The following ABCC1 variants were observed in gnomAD, a reference collection of about 807,000 sequenced individuals.
The protein encoded by ABCC1 is multidrug resistance-associated protein 1.
In ABCC1, 83 loss-of-function variants were observed where a neutral mutation model predicts 172.9. That is an observed-to-expected ratio of 0.48 (90% CI 0.40 to 0.58). ABCC1 has a LOEUF of 0.58. Among genes scored for constraint, ABCC1 ranks in the 20% least tolerant of loss-of-function variants. ABCC1 has a pLI of 0.00. For missense variants in ABCC1, 1,817 were observed against 2,002.7 expected (o/e 0.91, Z 1.77); for synonymous variants, 937 against 825.2 (o/e 1.14, Z -2.32).
At position 16,071,729 on chromosome 16, in the gene ABCC1, G is replaced by GGT. The variant is rs763357938; in HGVS notation, c.1912+11_1912+12dup. 2 of 1,612,032 alleles carry GGT rather than the reference G, an allele frequency of 1.2e-6. No homozygotes were observed. The highest frequency in any genetic ancestry group is 2.2e-5 in the East Asian group (1 of 44,812). On this transcript the variant is annotated frameshift_variant and splice_region_variant. Transcript: ENST00000399410. LOFTEE classifies it high-confidence loss of function. ...CATCGAGCGACGGCCTGTCAAAGAC[G>GGT]GTGTGTGTGTGTTCAGTCCTGGCTT...
chr16:16,040,325 T>C (rs1276770221), intron 7 of ABCC1, among the ~76,000 whole-genome samples: 1 of 152,024 alleles, frequency 6.6e-6, no homozygotes, highest in Non-Finnish European at 1.5e-5. Flanking sequence ...TTTGCTCTTG[T>C]TGCTTAGGCT....
At chr16:15,958,321 G>GTCTTGAATTCCTGAACTCAAGTGGATC (rs2046048733) in intron 1 of ABCC1, among the ~76,000 whole-genome samples, 2 of 151,824 alleles carry the variant, frequency 1.3e-5, no homozygotes, top group African/African-American at 2.4e-5. Flanking sequence ...GGCCAGGCTG[G>GTCTTGAATTCCTGAACTCAAGTGGATC]TCTTGAATTC....
chr16:16,082,015 C>A (rs747566555), intron 16 of ABCC1, among the ~76,000 whole-genome samples: 1 of 151,428 alleles, frequency 6.6e-6, no homozygotes, highest in Non-Finnish European at 1.5e-5. Context: ...GGCTTCGTTT[C>A]AAAAAAAAAT....
In ABCC1 at chr16:16,049,788, A is replaced by T. The variant is rs574642641; in HGVS notation, c.1380+1485A>T. 2.4e-4 allele frequency among the ~76,000 whole-genome samples: 37 copies of T among 152,166 alleles called. No individual in the cohort carries two copies. The South Asian group carries it at 7.7e-3, about 32-fold the overall frequency. ...AACCTCTGCCTCCCAGCTTCAAGCA[A>T]TTCTCCTACCTCAGTCTCCCGAGTA... On this transcript the variant is annotated intron_variant, in intron 10 of 30. Coordinates refer to ENST00000399410, the MANE Select transcript of ABCC1 (RefSeq NM_004996.4).
At position 16,048,282 on chromosome 16, in the gene ABCC1, T is replaced by C; in HGVS notation, c.1359T>C (p.Leu453=). ...GGTCAGCCCCCCTGCAAGTCATCCT[T>C]GCTCTCTACCTCCTGTGGCTGGTGT... ...MIWSAPLQVI[L]ALYLLWLNLG... Residue 453 remains leucine, a synonymous_variant, in exon 10 of 31, where the codon CTT becomes CTC. Transcript: ENST00000399410. The C allele has an allele frequency of 1.2e-6, 2 of 1,614,124 alleles. No individual in the cohort carries two copies. Among genetic ancestry groups the C allele is most frequent in the Non-Finnish European group, 1.7e-6 (2 of 1,179,980 alleles).
intron 16 of ABCC1, among the ~76,000 whole-genome samples, chr16:16,081,585 G>A (rs1378635442): frequency 6.6e-6 from 1 of 152,128 alleles, no homozygotes; most frequent in African/African-American, 2.4e-5. Context: ...TGGGTTCTAT[G>A]GTAAGGCACC....
chr16:16,095,376 C>G (rs12447005), intron 19 of ABCC1, among the ~76,000 whole-genome samples: 16,450 of 152,312 alleles, frequency 0.11, 1,132 homozygotes, highest in Middle Eastern at 0.22. Context: ...GGCAAATTGC[C>G]CCCACCCTGG....
chr16:16,102,251 T>C (rs1162744586), intron 19 of ABCC1, among the ~76,000 whole-genome samples: 3 of 152,336 alleles, frequency 2.0e-5, no homozygotes, highest in Admixed American at 6.5e-5. Context: ...GCTATGCCCT[T>C]TCCCTCATGC....
At chr16:16,019,972 G>A (rs2048138318) in intron 5 of ABCC1, among the ~76,000 whole-genome samples, 1 of 152,190 alleles carries the variant, frequency 6.6e-6, no homozygotes, top group South Asian at 2.1e-4. Context: ...CGCCAAGGCT[G>A]TAGTGCAGTG....
intron 19 of ABCC1, among the ~76,000 whole-genome samples, chr16:16,092,297 C>A (rs755778297): frequency 4.6e-5 from 7 of 152,148 alleles, no homozygotes; most frequent in Non-Finnish European, 8.8e-5. Context: ...CCACTTAAAT[C>A]ACAAAATCCA....
At chr16:16,136,042 A>ATT (rs527249324) in intron 28 of ABCC1, among the ~76,000 whole-genome samples, 1 of 145,614 alleles carries the variant, frequency 6.9e-6, no homozygotes, top group African/African-American at 2.5e-5. Flanking sequence ...TATTAAGGCA[A>ATT]TTTTTTTTTT....
intron 1 of ABCC1, among the ~76,000 whole-genome samples, chr16:15,974,236 A>G (rs1321463564): frequency 6.6e-6 from 1 of 151,990 alleles, no homozygotes; most frequent in African/African-American, 2.4e-5. Flanking sequence ...TTTATTATTT[A>G]TTTTCTCCTG....
intron 27 of ABCC1, among the ~76,000 whole-genome samples, chr16:16,132,468 C>G (rs941950434): frequency 6.7e-6 from 1 of 149,688 alleles, no homozygotes; most frequent in African/African-American, 2.5e-5. Flanking sequence ...GCCACCATTC[C>G]TGGCCCCTGG....
intron 11 of ABCC1, among the ~76,000 whole-genome samples, chr16:16,055,752 G>A (rs1393138908): frequency 6.7e-6 from 1 of 148,672 alleles, no homozygotes; most frequent in African/African-American, 2.5e-5. Flanking sequence ...TTTTTTTCTT[G>A]ATAGCGGGGT....
At chr16:16,110,975 A>G (rs2052361298) in intron 21 of ABCC1, among the ~76,000 whole-genome samples, 1 of 152,072 alleles carries the variant, frequency 6.6e-6, no homozygotes, top group Admixed American at 6.5e-5. Flanking sequence ...ATCTTGGCTC[A>G]CTGCTTCTAC....
intron 22 of ABCC1, among the ~76,000 whole-genome samples, chr16:16,113,702 C>T (rs569387710): frequency 8.5e-5 from 13 of 152,216 alleles, no homozygotes; most frequent in South Asian, 2.1e-4. Flanking sequence ...AGACTAGACA[C>T]GTTTCAAGTG....
At chr16:16,068,373 C>A (rs1363287388) in intron 13 of ABCC1, 71 bp downstream of exon 13, 2 of 1,563,236 alleles carry the variant, frequency 1.3e-6, no homozygotes, top group African/African-American at 1.4e-5. Context: ...CATGGAAGTG[C>A]CCCCGAGCGC....
At chr16:15,981,723 A>G (rs1488972009) in intron 1 of ABCC1, among the ~76,000 whole-genome samples, 1 of 152,010 alleles carries the variant, frequency 6.6e-6, no homozygotes, top group African/African-American at 2.4e-5. Flanking sequence ...CATTTTCCCC[A>G]TTGTCTTGGT....
chr16:16,009,187 G>T (rs2047675196), intron 2 of ABCC1, among the ~76,000 whole-genome samples: 1 of 151,980 alleles, frequency 6.6e-6, no homozygotes, highest in Non-Finnish European at 1.5e-5. Flanking sequence ...TCAAACTCCT[G>T]GCTTCCAGTG....
Sources: allele counts gnomAD v4.1 joint callset (sites outside exome capture counted in the v4.1 genomes callset), GRCh38; gene constraint gnomAD v4.1.1; transcripts MANE v1.5; gene names NCBI Gene and HGNC (gene_info 2026-07-23, HGNC 2026-07-21).